The following NRG1 variants were observed in gnomAD, a reference collection of about 807,000 sequenced individuals.
NRG1 encodes neuregulin 1.
NRG1 carries 18 observed loss-of-function variants against 63.8 expected under a neutral mutation model. That is an observed-to-expected ratio of 0.28 (90% CI 0.19 to 0.42). The LOEUF is 0.42. NRG1 is among the 10% of genes least tolerant of loss of function. The pLI, the probability that NRG1 is intolerant of heterozygous loss-of-function variation, is 1.00. For synonymous variants in NRG1, 302 were observed against 301.3 expected (o/e 1.00, Z -0.02); for missense variants, 762 against 814.7 (o/e 0.94, Z 0.79).
chr8:31,932,556 G>A (rs1327255165), intron 1 of NRG1, among the ~76,000 whole-genome samples: 1 of 152,148 alleles, frequency 6.6e-6, no homozygotes, highest in African/African-American at 2.4e-5. Context: ...CGTCAGGAGT[G>A]ACATTTACTA....
intron 1 of NRG1, among the ~76,000 whole-genome samples, chr8:31,902,490 G>A (rs1011730245): frequency 5.9e-5 from 9 of 152,010 alleles, no homozygotes; most frequent in Admixed American, 2.0e-4. Flanking sequence ...CATTCAATAC[G>A]TAAAAATATT....
intron 1 of NRG1, among the ~76,000 whole-genome samples, chr8:32,166,446 G>T (rs140272173): frequency 5.3e-5 from 8 of 152,190 alleles, no homozygotes; most frequent in African/African-American, 1.7e-4. Context: ...TGGCTCTACG[G>T]ATTCATTTTT....
intron 5 of NRG1, among the ~76,000 whole-genome samples, chr8:32,684,554 T>C (rs1809559767): frequency 1.3e-5 from 2 of 152,176 alleles, no homozygotes; most frequent in Admixed American, 6.5e-5. Flanking sequence ...TATTTTGCCT[T>C]CCTTTTTCAC....
At chr8:32,388,083 A>G (rs1811248458) in intron 1 of NRG1, among the ~76,000 whole-genome samples, 1 of 152,218 alleles carries the variant, frequency 6.6e-6, no homozygotes. Flanking sequence ...TGAAATTTCC[A>G]ATCAGAATTC....
chr8:32,592,351 G>C (rs1291190119), intron 1 of NRG1, among the ~76,000 whole-genome samples: 1 of 151,994 alleles, frequency 6.6e-6, no homozygotes, highest in African/African-American at 2.4e-5. Context: ...ATCCTATACA[G>C]CTCTTTTTCC....
chr8:31,970,053 T>C (rs1031910982), intron 1 of NRG1, among the ~76,000 whole-genome samples: 1 of 152,198 alleles, frequency 6.6e-6, no homozygotes, highest in African/African-American at 2.4e-5. Context: ...GGTAATTTCC[T>C]CTTGGGGCTA....
At chr8:32,184,094 GT>G (rs1408952287) in intron 1 of NRG1, among the ~76,000 whole-genome samples, 44 of 151,300 alleles carry the variant, frequency 2.9e-4, no homozygotes, top group African/African-American at 1.0e-3. Flanking sequence ...ATATGTATGT[GT>G]GTGTGTGTGT....
chr8:32,634,518 A>G (rs946250552), intron 5 of NRG1, among the ~76,000 whole-genome samples: 12 of 152,226 alleles, frequency 7.9e-5, no homozygotes, highest in Non-Finnish European at 1.6e-4. Context: ...CTTAAGACAC[A>G]TAGCATAATT....
intron 1 of NRG1, among the ~76,000 whole-genome samples, chr8:32,412,817 C>T (rs994886489): frequency 6.6e-6 from 1 of 152,000 alleles, no homozygotes; most frequent in Non-Finnish European, 1.5e-5. Flanking sequence ...CTTATGGGAC[C>T]AGTTGTATAT....
rs1826481513 is a variant in NRG1, at chr8:32,742,200, G to A, written c.633-475G>A. 7 of 768,580 alleles carry A rather than the reference G, an allele frequency of 9.1e-6. No individual in the cohort carries two copies. The highest frequency in any genetic ancestry group is 1.7e-5 in the African/African-American group (1 of 57,752). The allele number at this position is 768,580 out of a possible 1,614,324, so 47.6% of individuals were successfully genotyped here. ...TTCTAATTATGGCTTAACCTCTCAA[G>A]GCATAAACCCATTCAGTGTTACCTT... On this transcript the variant is annotated intron_variant, in intron 6 of 11. Transcript: ENST00000356819. This position sits in a 1 kb window ranked among gnomAD's most constrained non-coding sequence, Gnocchi z 4.2.
At chr8:31,918,041 T>C (rs1408836547) in intron 1 of NRG1, among the ~76,000 whole-genome samples, 1 of 152,142 alleles carries the variant, frequency 6.6e-6, no homozygotes, top group Non-Finnish European at 1.5e-5. Context: ...GTGATTTTTG[T>C]ACATTGATTT....
intron 5 of NRG1, among the ~76,000 whole-genome samples, chr8:32,715,678 G>A (rs1335130375): frequency 2.1e-5 from 3 of 144,370 alleles, no homozygotes; most frequent in Non-Finnish European, 3.0e-5. Flanking sequence ...TTGCTCTGTC[G>A]CCCAGGCTGG....
At chr8:31,721,825 G>A (rs1812948730) in intron 1 of NRG1, among the ~76,000 whole-genome samples, 1 of 152,078 alleles carries the variant, frequency 6.6e-6, no homozygotes, top group South Asian at 2.1e-4. Context: ...GTTATCGCAA[G>A]AAATTGTGCT....
chr8:31,906,697 A>AGT (rs1832545652), intron 1 of NRG1, among the ~76,000 whole-genome samples: 1 of 152,040 alleles, frequency 6.6e-6, no homozygotes, highest in African/African-American at 2.4e-5. Flanking sequence ...ATCTCTTTCT[A>AGT]GTGTGTGACA....
intron 5 of NRG1, among the ~76,000 whole-genome samples, chr8:32,709,215 C>T (rs1463064783): frequency 2.0e-5 from 3 of 152,038 alleles, no homozygotes; most frequent in Non-Finnish European, 2.9e-5. Flanking sequence ...TTTGAAACTA[C>T]AAAGTTCAAT....
At chr8:31,676,529 T>G (rs894956693) in intron 1 of NRG1, among the ~76,000 whole-genome samples, 1 of 152,192 alleles carries the variant, frequency 6.6e-6, no homozygotes, top group African/African-American at 2.4e-5. Flanking sequence ...GAACCACTCA[T>G]CAGCAGCAAC....
At chr8:31,824,114 C>T (rs1167718914) in intron 1 of NRG1, among the ~76,000 whole-genome samples, 1 of 151,644 alleles carries the variant, frequency 6.6e-6, no homozygotes, top group African/African-American at 2.4e-5. Flanking sequence ...GTGTGCTGCA[C>T]CCATTAACTC....
intron 1 of NRG1, among the ~76,000 whole-genome samples, chr8:32,543,093 C>A (rs985837604): frequency 5.9e-5 from 9 of 152,070 alleles, no homozygotes; most frequent in Admixed American, 5.9e-4. Context: ...TTAGTGCTTA[C>A]CAGATGCAAA....
chr8:32,444,014 T>C (rs934654590), intron 1 of NRG1, among the ~76,000 whole-genome samples: 64 of 148,390 alleles, frequency 4.3e-4, no homozygotes, highest in African/African-American at 1.5e-3. Context: ...CCTTCCTTTT[T>C]CCTTTCTTTC....
Sources: allele counts gnomAD v4.1 joint callset (sites outside exome capture counted in the v4.1 genomes callset), GRCh38; gene constraint gnomAD v4.1.1; non-coding constraint Gnocchi (gnomAD v3.1); transcripts MANE v1.5; gene names NCBI Gene and HGNC (gene_info 2026-07-23, HGNC 2026-07-21).